The following GCKR variants were observed in gnomAD, a reference collection of about 807,000 sequenced individuals.
The protein encoded by GCKR is glucokinase regulator.
GCKR carries 73 observed loss-of-function variants against 82.9 expected under a neutral mutation model. The ratio of observed to expected loss-of-function variants is 0.88; its 90% CI spans 0.73 to 1.07. The LOEUF is 1.07. GCKR is among the 50% of genes least tolerant of loss of function. The pLI is 0.00. For synonymous variants in GCKR, 294 were observed against 291.8 expected, an observed-to-expected ratio of 1.01 and a Z score of -0.08; for missense variants, 784 against 782.1, an observed-to-expected ratio of 1.00 and a Z score of -0.03.
intron 9 of GCKR, among the ~76,000 whole-genome samples, 153 bp from the exon 10 acceptor site, chr2:27,505,565 T>C (rs1228033190): frequency 6.6e-6 from 1 of 152,044 alleles, no homozygotes; most frequent in Non-Finnish European, 1.5e-5. Context: ...CTCTTTCTAA[T>C]CTTCCTCTCG....
intron 14 of GCKR, 35 bp downstream of exon 14, chr2:27,507,812 AG>A (rs780207239): frequency 1.7e-5 from 22 of 1,297,084 alleles, no homozygotes; most frequent in Middle Eastern, 1.8e-4. Context: ...AGGGGTGGGG[AG>A]GGGGAAATAG....
intron 16 of GCKR, among the ~76,000 whole-genome samples, chr2:27,515,765 AT>A (rs60183178): frequency 0.077 from 8,170 of 106,580 alleles, 198 homozygotes; most frequent in African/African-American, 0.1. Context: ...ATATATATAT[AT>A]TTTTTTTTTT....
chr2:27,496,968 A>G lies in GCKR; in HGVS notation c.60+4A>G. The G allele has an allele frequency of 1.2e-6, 2 of 1,609,004 alleles. No individual in the cohort carries two copies. Among genetic ancestry groups the G allele is most frequent in the Non-Finnish European group, 1.7e-6 (2 of 1,175,358 alleles). ...CCCGGAGCCTGGCAAGTGGGAGGTG[A>G]GACCCCTTCTTCATGTTGGCTTTCT... On this transcript the variant is annotated splice_donor_region_variant and intron_variant, in intron 1 of 18. Transcript: ENST00000264717.
chr2:27,510,123 C>G (rs1377954019), intron 16 of GCKR, among the ~76,000 whole-genome samples: 1 of 152,006 alleles, frequency 6.6e-6, no homozygotes, highest in Non-Finnish European at 1.5e-5. Flanking sequence ...ATTCTCCTGC[C>G]TCAGCCTCCT....
chr2:27,503,978 A>C (rs8179211), intron 9 of GCKR, among the ~76,000 whole-genome samples: 2,843 of 152,342 alleles, frequency 0.019, 36 homozygotes, highest in Middle Eastern at 0.082. Context: ...ATGGGCTTTA[A>C]AAAATGGGGT....
At chr2:27,501,729 T>C in intron 8 of GCKR, 1 of 471,538 alleles carries the variant, frequency 2.1e-6, no homozygotes, top group Middle Eastern at 3.2e-4. Context: ...GATCTCTCAC[T>C]GTCTTCCCTT....
At chr2:27,519,187 G>A (rs1670087976) in intron 17 of GCKR, among the ~76,000 whole-genome samples, 1 of 152,188 alleles carries the variant, frequency 6.6e-6, no homozygotes, top group African/African-American at 2.4e-5. Context: ...GTTTATACTG[G>A]TTTAAGCTAA....
Position 27,516,720 on chromosome 2 carries a change from G to T in GCKR, c.1423-2068G>T, listed in dbSNP as rs1487391122. On this transcript the variant is annotated intron_variant, in intron 16 of 18. Coordinates refer to ENST00000264717, the MANE Select transcript of GCKR (RefSeq NM_001486.4). Reference sequence around the variant, plus strand: ...ATATTTTTGTGTTAATGGTGTTAATGTTAATGGTATCAATGGTTAGTGGTA... The same window carrying T: ...ATATTTTTGTGTTAATGGTGTTAATTTTAATGGTATCAATGGTTAGTGGTA... Among the ~76,000 whole-genome samples the T allele has an allele frequency of 3.9e-5, 6 of 152,282 alleles. No homozygotes were observed. In the East Asian group the frequency reaches 7.7e-4, roughly 20 times the overall value.
At chr2:27,522,632 T>C (rs1033787380) in intron 18 of GCKR, 38 bp downstream of exon 18, 2 of 1,570,152 alleles carry the variant, frequency 1.3e-6, no homozygotes, top group African/African-American at 1.3e-5. Context: ...CAAATACTTT[T>C]TGAGTACTTT....
At chr2:27,516,904 C>T (rs1211804327) in intron 16 of GCKR, among the ~76,000 whole-genome samples, 1 of 151,972 alleles carries the variant, frequency 6.6e-6, no homozygotes, top group Non-Finnish European at 1.5e-5. Flanking sequence ...TTCAATATAC[C>T]CTCTTCCAGG....
chr2:27,508,277 T>C (rs370041161), intron 16 of GCKR, 26 bp downstream of exon 16: 4 of 1,375,932 alleles, frequency 2.9e-6, no homozygotes, highest in Non-Finnish European at 4.2e-6. Context: ...AGGTCCTATC[T>C]GCAGTAAGGG....
At chr2:27,523,146 AC>A in intron 18 of GCKR, 122 bp from the exon 19 acceptor site, 2 of 774,240 alleles carry the variant, frequency 2.6e-6, no homozygotes, top group Non-Finnish European at 4.5e-6. Flanking sequence ...TGATCTGCCC[AC>A]CTCGGCCTCC....
chr2:27,497,493 C>A (rs1669443343), intron 2 of GCKR, 69 bp from the exon 3 acceptor site: 2 of 1,560,328 alleles, frequency 1.3e-6, no homozygotes, highest in Non-Finnish European at 1.8e-6. Flanking sequence ...ATATCGGAAA[C>A]CCTGAGACCC....
intron 5 of GCKR, 152 bp downstream of exon 5, chr2:27,498,949 T>A: frequency 1.4e-6 from 1 of 728,612 alleles, no homozygotes; most frequent in Non-Finnish European, 2.5e-6. Flanking sequence ...CACATACTTA[T>A]GTCGCCTGAC....
chr2:27,505,352 T>C (rs1473440294), intron 9 of GCKR, among the ~76,000 whole-genome samples: 2 of 139,190 alleles, frequency 1.4e-5, no homozygotes, highest in Non-Finnish European at 1.5e-5. Flanking sequence ...GCCGAGATCC[T>C]GCCACTGCAC....
chr2:27,501,561 G>C (rs1669578576), intron 8 of GCKR: 1 of 415,026 alleles, frequency 2.4e-6, no homozygotes, highest in Admixed American at 3.6e-5. Context: ...ATACCATAAA[G>C]ATTTGTGCTT....
intron 16 of GCKR, among the ~76,000 whole-genome samples, chr2:27,513,661 C>A (rs901927695): frequency 1.3e-5 from 2 of 151,732 alleles, no homozygotes; most frequent in Non-Finnish European, 2.9e-5. Context: ...TTAATCCATT[C>A]TTATTATTCA....
Position 27,498,787 on chromosome 2 carries a change from G to C in GCKR, c.418G>C (p.Gly140Arg). 6.3e-7 allele frequency: 1 copy of C among 1,593,552 alleles called. No individual in the cohort carries two copies. The highest frequency in any genetic ancestry group is 1.1e-5 in the South Asian group (1 of 90,656). Residue 140 changes from glycine to arginine, a missense_variant, in exon 5 of 19, where the codon GGT becomes CGT. By Grantham distance (125) the Gly-to-Arg change is moderately radical. Coordinates refer to ENST00000264717, the MANE Select transcript of GCKR (RefSeq NM_001486.4). Reference sequence around the variant, plus strand: ...ACCTCTTTACACCTACCTCATTGCAGGTGGTGACAGGTAAGCCAAGTTAGC... The same window carrying C: ...ACCTCTTTACACCTACCTCATTGCACGTGGTGACAGGTAAGCCAAGTTAGC... ...QKPLYTYLIA[G>R]GDRSVVASRE...
At chr2:27,505,420 G>GA (rs1171469943) in intron 9 of GCKR, among the ~76,000 whole-genome samples, 3 of 135,592 alleles carry the variant, frequency 2.2e-5, no homozygotes, top group Admixed American at 7.3e-5. Context: ...AAAAAAAAAA[G>GA]AAAAAAAAAG....
Sources: allele counts gnomAD v4.1 joint callset (sites outside exome capture counted in the v4.1 genomes callset), GRCh38; gene constraint gnomAD v4.1.1; transcripts MANE v1.5; gene names NCBI Gene and HGNC (gene_info 2026-07-23, HGNC 2026-07-21).